Variants in FAAH2 observed in about 807,000 individuals in gnomAD.
FAAH2 encodes the protein fatty acid amide hydrolase 2.
A neutral mutation model predicts 36.9 loss-of-function variants in FAAH2; 60 were observed. The ratio of observed to expected loss-of-function variants is 1.63; its 90% CI spans 1.32 to 2.02. The LOEUF (loss-of-function observed/expected upper bound fraction) is 2.02, where lower values mean the gene tolerates loss of function less well. FAAH2 is among the 30% of genes most tolerant of loss of function. The pLI is 0.00. For synonymous variants in FAAH2, 214 were observed against 143.8 expected, an observed-to-expected ratio of 1.49 and a Z score of -3.49; for missense variants, 689 against 397.5, an observed-to-expected ratio of 1.73 and a Z score of -6.23.
the FAAH2 span, among the ~76,000 whole-genome samples, chrX:57,223,616 C>G: frequency 9.0e-6 from 1 of 111,411 alleles, no homozygotes; most frequent in Admixed American, 9.5e-5. Context: ...CCCACCAAGC[C>G]CAGGGCCAGG....
the FAAH2 span, among the ~76,000 whole-genome samples, chrX:57,210,852 C>T: frequency 8.9e-6 from 1 of 112,573 alleles, no homozygotes; most frequent in Non-Finnish European, 1.9e-5. Context: ...TAGAAATCCC[C>T]ATCAAAGTTG....
chrX:57,182,529 A>G, the FAAH2 span, among the ~76,000 whole-genome samples: 17 of 111,613 alleles, frequency 1.5e-4, no homozygotes, highest in African/African-American at 5.2e-4. Context: ...TACCATTTTA[A>G]TAATGGCTAT....
chrX:57,255,835 A>T, the FAAH2 span, among the ~76,000 whole-genome samples: 1 of 111,837 alleles, frequency 8.9e-6, no homozygotes, highest in Admixed American at 9.5e-5. Flanking sequence ...AATGGGCAAA[A>T]ACTGGAAGCA....
intron 3 of FAAH2, among the ~76,000 whole-genome samples, chrX:57,328,267 G>T (rs1417589891): frequency 8.9e-6 from 1 of 111,744 alleles, no homozygotes; most frequent in Non-Finnish European, 1.9e-5. Flanking sequence ...GTGCCTCCCA[G>T]TTAGGGTACT....
the FAAH2 span, among the ~76,000 whole-genome samples, chrX:57,250,193 G>T: frequency 8.9e-6 from 1 of 112,015 alleles, no homozygotes; most frequent in East Asian, 2.8e-4. Context: ...TCCTTACAGA[G>T]ATATATATTC....
At chrX:57,281,251 A>T in the FAAH2 span, among the ~76,000 whole-genome samples, 2 of 112,182 alleles carry the variant, frequency 1.8e-5, no homozygotes, top group Non-Finnish European at 3.8e-5. Flanking sequence ...AGCTTCTTGT[A>T]AATCTACAAT....
intron 1 of FAAH2, among the ~76,000 whole-genome samples, chrX:57,288,436 G>T (rs545272049): frequency 1.1e-5 from 1 of 89,196 alleles, no homozygotes; most frequent in Non-Finnish European, 2.1e-5. Flanking sequence ...TGCAAGCTCC[G>T]CCTCCCGGGT....
rs190938094 is a variant in FAAH2, at chrX:57,411,968, C to A, written c.997-19950C>A. Among the ~76,000 whole-genome samples, 9 of 111,981 alleles carry A rather than the reference C, an allele frequency of 8.0e-5. No individual in the cohort carries two copies. The East Asian group carries it at 2.5e-3, about 32-fold the overall frequency. The stretch of plus-strand genomic sequence containing the variant: ...GGGAGTATTACTCTTTTAAAATTTT[C>A]TTTATCTTAACAGATACATACTAGT... On this transcript the variant is annotated intron_variant, in intron 7 of 10. Transcript: ENST00000374900.
chrX:57,220,998 A>G, the FAAH2 span, among the ~76,000 whole-genome samples: 1 of 111,850 alleles, frequency 8.9e-6, no homozygotes, highest in African/African-American at 3.3e-5. Flanking sequence ...AGGCCAGTAT[A>G]TTTTTAAATT....
At chrX:57,161,577 G>C in the FAAH2 span, among the ~76,000 whole-genome samples, 1 of 111,845 alleles carries the variant, frequency 8.9e-6, no homozygotes, top group Non-Finnish European at 1.9e-5. Flanking sequence ...AGGAGAGCTA[G>C]CTCTTCTTGT....
At chrX:57,157,807 A>T in the FAAH2 span, among the ~76,000 whole-genome samples, 6 of 110,771 alleles carry the variant, frequency 5.4e-5, no homozygotes, top group African/African-American at 1.3e-4. Context: ...GCTCAGTTTA[A>T]TTTTTATTTT....
chrX:57,230,428 A>G, the FAAH2 span, among the ~76,000 whole-genome samples: 1 of 112,119 alleles, frequency 8.9e-6, no homozygotes, highest in Non-Finnish European at 1.9e-5. Context: ...TTTATGTATA[A>G]TAACCCAGGA....
chrX:57,240,148 G>T, the FAAH2 span, among the ~76,000 whole-genome samples: 4 of 111,893 alleles, frequency 3.6e-5, no homozygotes, highest in Non-Finnish European at 7.5e-5. Flanking sequence ...TTTTGTATGT[G>T]TGTGGGCTGA....
chrX:57,250,667 A>C, the FAAH2 span, among the ~76,000 whole-genome samples: 12 of 111,019 alleles, frequency 1.1e-4, no homozygotes, highest in Non-Finnish European at 1.9e-4. Flanking sequence ...TAATTAAAAA[A>C]CAGGAGATAT....
chrX:57,287,487 C>T (rs774280118), intron 1 of FAAH2, among the ~76,000 whole-genome samples: 2 of 111,714 alleles, frequency 1.8e-5, no homozygotes, highest in South Asian at 3.8e-4. Context: ...GTAAAAGCTG[C>T]GTCTACCATA....
At chrX:57,125,871 GA>G in the FAAH2 span, among the ~76,000 whole-genome samples, 2 of 111,197 alleles carry the variant, frequency 1.8e-5, no homozygotes, top group Non-Finnish European at 1.9e-5. Context: ...GTTTGAAAAA[GA>G]AAAAAATGTG....
chrX:57,394,655 A>T, intron 7 of FAAH2: 1 of 957,504 alleles, frequency 1.0e-6, no homozygotes, highest in Non-Finnish European at 1.5e-6. Flanking sequence ...CGTATGCCAC[A>T]TCACCCACAA....
the FAAH2 span, among the ~76,000 whole-genome samples, chrX:57,233,995 G>A: frequency 8.9e-6 from 1 of 112,619 alleles, no homozygotes; most frequent in African/African-American, 3.2e-5. Flanking sequence ...CCAGTGTGGG[G>A]TTGCTAGGTA....
intron 5 of FAAH2, among the ~76,000 whole-genome samples, chrX:57,344,169 G>A (rs2053761387): frequency 9.2e-6 from 1 of 108,956 alleles, no homozygotes; most frequent in Non-Finnish European, 1.9e-5. Flanking sequence ...ATTTCGATAG[G>A]GATAACATTG....
Sources: gnomAD v4.1 joint callset for allele counts (sites outside exome capture counted in the v4.1 genomes callset) on GRCh38, gnomAD v4.1.1 for gene constraint, MANE v1.5 for transcripts, NCBI Gene and HGNC (gene_info 2026-07-23, HGNC 2026-07-21) for gene names.